Variants in NPHP4 observed in about 807,000 individuals in gnomAD.
The protein encoded by NPHP4 is nephrocystin 4.
In NPHP4, 151 loss-of-function variants were observed where a neutral mutation model predicts 155.8. The observed-to-expected ratio is 0.97, with a 90% CI of 0.85 to 1.11. NPHP4 has a LOEUF of 1.11. Ranked by LOEUF, NPHP4 falls within the 50% of genes least tolerant of loss-of-function variation. The probability of loss-of-function intolerance (pLI) is 0.00; values close to 1 mark genes in which losing one functional copy is unlikely to be tolerated. For synonymous variants in NPHP4, 845 were observed against 816.8 expected (o/e 1.03, Z -0.59); for missense variants, 1,956 against 1,925.7 (o/e 1.02, Z -0.29).
At chr1:5,949,993 A>C (rs774301206) in intron 7 of NPHP4, among the ~76,000 whole-genome samples, 1 of 152,140 alleles carries the variant, frequency 6.6e-6, no homozygotes, top group Non-Finnish European at 1.5e-5. Flanking sequence ...TTAAACACAG[A>C]AGAAAAATGG....
At chr1:5,964,942 T>TATATATATATATA (rs1553194795) in intron 5 of NPHP4, among the ~76,000 whole-genome samples, 3 of 44,498 alleles carry the variant, frequency 6.7e-5, no homozygotes, top group Admixed American at 2.0e-4. Context: ...TATATATATA[T>TATATATATATATA]TTTTTTTTTT....
chr1:5,979,905 G>C (rs980909447), intron 2 of NPHP4, among the ~76,000 whole-genome samples: 2 of 152,060 alleles, frequency 1.3e-5, no homozygotes, highest in African/African-American at 2.4e-5. Flanking sequence ...TTAATTCCTA[G>C]GGTGGCAAAT....
In NPHP4 at chr1:5,969,212, C is replaced by T. The variant is rs544396287; in HGVS notation, c.327G>A (p.Val109=). 2 of 1,584,632 alleles carry T rather than the reference C, an allele frequency of 1.3e-6. No homozygotes were observed. Among genetic ancestry groups the T allele is most frequent in the East Asian group, 2.3e-5 (1 of 43,744 alleles). ...TSLNHPHIVA[V]VEVVAEGKKR... ...TCTTGCCCTCAGCGACCACTTCCACCACAGCCACGATATGAGGGTGGTTTA... is the reference window on the plus strand; with the variant it reads ...TCTTGCCCTCAGCGACCACTTCCACTACAGCCACGATATGAGGGTGGTTTA... The change falls in exon 4 of 30, where the codon GTG becomes GTA. Residue 109 remains valine, a synonymous_variant. Transcript: ENST00000378156.
chr1:5,870,541 C>G (rs759471058), intron 23 of NPHP4, among the ~76,000 whole-genome samples: 2 of 152,126 alleles, frequency 1.3e-5, no homozygotes, highest in African/African-American at 4.8e-5. Context: ...GCGTCAAAGT[C>G]TGATGAAGAA....
At chr1:5,885,014 TC>T (rs1557649966) in intron 18 of NPHP4, among the ~76,000 whole-genome samples, 1 of 113,030 alleles carries the variant, frequency 8.8e-6, no homozygotes, top group Non-Finnish European at 1.7e-5. Context: ...GCCGAGCCCA[TC>T]CTACGCCGCA....
intron 22 of NPHP4, 125 bp downstream of exon 22, chr1:5,874,346 G>C: frequency 1.1e-6 from 1 of 941,184 alleles, no homozygotes; most frequent in Non-Finnish European, 1.5e-6. Flanking sequence ...AGGGGAGTGG[G>C]CGGCAGCCCC....
intron 28 of NPHP4, 85 bp downstream of exon 28, chr1:5,864,253 G>T: frequency 7.4e-7 from 1 of 1,347,660 alleles, no homozygotes; most frequent in Non-Finnish European, 1.0e-6. Context: ...CCAGTGGTCC[G>T]AGTCACAGGG....
chr1:5,875,282 G>T (rs1253727429), intron 20 of NPHP4, among the ~76,000 whole-genome samples, 182 bp from the exon 21 acceptor site: 1 of 152,194 alleles, frequency 6.6e-6, no homozygotes, highest in African/African-American at 2.4e-5. Context: ...CCCAGGCATG[G>T]ATCTCAGGCA....
chr1:5,871,849 AC>A (rs1276100216), intron 23 of NPHP4, among the ~76,000 whole-genome samples: 2 of 152,206 alleles, frequency 1.3e-5, no homozygotes, highest in African/African-American at 4.8e-5. Flanking sequence ...GTCTGCGTTG[AC>A]TGGGGGCAGC....
In NPHP4 at chr1:5,889,730, C is replaced by T. The variant is rs576355435; in HGVS notation, c.2304+1138G>A. Among the ~76,000 whole-genome samples the T allele has an allele frequency of 4.7e-4, 72 of 152,316 alleles. 1 individual carries two copies. The South Asian group carries it at 0.014, about 29-fold the overall frequency. ...GGGACATCAAAGCCAGCATGGGAGA[C>T]GGACAAGCAAGGGCCACGATGACCC... On this transcript the variant is annotated intron_variant, in intron 17 of 29. Transcript: ENST00000378156. This position sits in a 1 kb window ranked among gnomAD's most constrained non-coding sequence, Gnocchi z 4.2.
At chr1:5,897,943 G>C (rs542622380) in intron 16 of NPHP4, among the ~76,000 whole-genome samples, 3 of 152,330 alleles carry the variant, frequency 2.0e-5, no homozygotes, top group Non-Finnish European at 4.4e-5. Context: ...AACATGGCAC[G>C]GTTTCTGCAG....
rs533835986 is a variant in NPHP4, at chr1:5,867,912, G to A, written c.3316-16C>T. ...GGAACAAGACCTGTGAGGAGGCCACGCTGAGTGTTGGGATGGGCACGAGGC... is the reference window on the plus strand; with the variant it reads ...GGAACAAGACCTGTGAGGAGGCCACACTGAGTGTTGGGATGGGCACGAGGC... On this transcript the variant is annotated splice_polypyrimidine_tract_variant and intron_variant, in intron 23 of 29. Coordinates refer to ENST00000378156, the MANE Select transcript of NPHP4 (RefSeq NM_015102.5). The surrounding 1 kb of genome is among the most constrained non-coding windows in gnomAD (Gnocchi z 4.1). 2.3e-5 allele frequency: 37 copies of A among 1,613,884 alleles called. No individual in the cohort carries two copies. Among genetic ancestry groups the A allele is most frequent in the East Asian group, 6.7e-5 (3 of 44,880 alleles).
intron 16 of NPHP4, among the ~76,000 whole-genome samples, chr1:5,899,691 T>C (rs1262092439): frequency 6.6e-6 from 1 of 152,088 alleles, no homozygotes; most frequent in African/African-American, 2.4e-5. Flanking sequence ...AAAATCTAGG[T>C]GACCTCAGAG....
At chr1:5,975,311 C>T (rs186986430) in intron 3 of NPHP4, among the ~76,000 whole-genome samples, 2 of 152,364 alleles carry the variant, frequency 1.3e-5, no homozygotes, top group Admixed American at 1.3e-4. Context: ...GAACACGCTG[C>T]TCAACAGCTT....
chr1:5,865,025 C>T (rs1641057584), intron 27 of NPHP4, 77 bp downstream of exon 27: 1 of 1,465,890 alleles, frequency 6.8e-7, no homozygotes, highest in Non-Finnish European at 9.5e-7. Flanking sequence ...ACCCACTGTG[C>T]TCCAGCTGAA....
intron 5 of NPHP4, among the ~76,000 whole-genome samples, chr1:5,966,821 A>G (rs1290770178): frequency 6.6e-6 from 1 of 151,988 alleles, no homozygotes; most frequent in Non-Finnish European, 1.5e-5. Context: ...CGTCATCCCC[A>G]TCCTTCCCAA....
intron 9 of NPHP4, among the ~76,000 whole-genome samples, chr1:5,940,568 G>A (rs941298864): frequency 6.6e-6 from 1 of 151,750 alleles, no homozygotes; most frequent in Non-Finnish European, 1.5e-5. Flanking sequence ...GACAGCATGC[G>A]GTATATAATA....
chr1:5,960,930 G>C (rs1486473151), intron 6 of NPHP4, among the ~76,000 whole-genome samples: 1 of 152,148 alleles, frequency 6.6e-6, no homozygotes, highest in Non-Finnish European at 1.5e-5. Flanking sequence ...GCAGCCAGAA[G>C]GCGGAAGGCT....
At chr1:5,907,558 G>T (rs1423361700) in intron 12 of NPHP4, among the ~76,000 whole-genome samples, 1 of 152,244 alleles carries the variant, frequency 6.6e-6, no homozygotes, top group African/African-American at 2.4e-5. Context: ...TGCCAGCACT[G>T]GACTGAGCAC....
Sources: allele counts gnomAD v4.1 joint callset (sites outside exome capture counted in the v4.1 genomes callset), GRCh38; gene constraint gnomAD v4.1.1; non-coding constraint Gnocchi (gnomAD v3.1); transcripts MANE v1.5; gene names NCBI Gene and HGNC (gene_info 2026-07-23, HGNC 2026-07-21).